The following DCC variants were observed in gnomAD, a reference collection of about 807,000 sequenced individuals.
DCC encodes netrin receptor DCC.
DCC carries 58 observed loss-of-function variants against 172.5 expected under a neutral mutation model. The observed-to-expected ratio is 0.34, with a 90% CI of 0.27 to 0.42. The LOEUF (loss-of-function observed/expected upper bound fraction) is 0.42, where lower values mean the gene tolerates loss of function less well. Ranked by LOEUF, DCC falls within the 10% of genes least tolerant of loss-of-function variation. DCC has a pLI of 1.00. For synonymous variants in DCC, 709 were observed against 644.5 expected, an observed-to-expected ratio of 1.10 and a Z score of -1.52; for missense variants, 1,740 against 1,791.0, an observed-to-expected ratio of 0.97 and a Z score of 0.51.
At chr18:53,064,307 A>T (rs1159988642) in intron 6 of DCC, among the ~76,000 whole-genome samples, 1 of 152,110 alleles carries the variant, frequency 6.6e-6, no homozygotes, top group South Asian at 2.1e-4. Context: ...TTAGCATTGG[A>T]GGTTCTGATT....
At chr18:52,811,147 C>A (rs1048540007) in intron 2 of DCC, among the ~76,000 whole-genome samples, 1 of 152,170 alleles carries the variant, frequency 6.6e-6, no homozygotes, top group Non-Finnish European at 1.5e-5. Context: ...AACAAAATGA[C>A]CCCTTCACCA....
At chr18:52,651,759 A>G (rs1265047932) in intron 1 of DCC, among the ~76,000 whole-genome samples, 1 of 152,174 alleles carries the variant, frequency 6.6e-6, no homozygotes, top group Non-Finnish European at 1.5e-5. Flanking sequence ...CCCAGCCCTT[A>G]GGTGGCATGA....
chr18:52,767,217 T>G (rs1422547844), intron 2 of DCC, among the ~76,000 whole-genome samples: 4 of 151,664 alleles, frequency 2.6e-5, no homozygotes, highest in Non-Finnish European at 5.9e-5. Context: ...ATAATGACTG[T>G]GCTAGAAAGT....
At chr18:52,392,620 G>A (rs990956421) in intron 1 of DCC, among the ~76,000 whole-genome samples, 1 of 151,768 alleles carries the variant, frequency 6.6e-6, no homozygotes, top group Non-Finnish European at 1.5e-5. Context: ...GCTTAAGAAT[G>A]TGTGTGTGTG....
chr18:52,909,642 G>C (rs1331886398), intron 3 of DCC, among the ~76,000 whole-genome samples: 2 of 152,092 alleles, frequency 1.3e-5, no homozygotes, highest in East Asian at 1.9e-4. Context: ...ATTAAATTCA[G>C]AGTTTAACAA....
intron 2 of DCC, among the ~76,000 whole-genome samples, chr18:52,829,014 A>G (rs2038564295): frequency 1.3e-5 from 2 of 152,242 alleles, no homozygotes; most frequent in Non-Finnish European, 1.5e-5. Context: ...GTTTGCTTAT[A>G]TAATTAAAAT....
intron 1 of DCC, among the ~76,000 whole-genome samples, chr18:52,350,026 G>T (rs184688306): frequency 4.1e-4 from 62 of 152,274 alleles, no homozygotes; most frequent in African/African-American, 1.4e-3. Flanking sequence ...CAAAACTTGT[G>T]TTATCAGTTT....
At chr18:53,527,265 T>C (rs2046469301) in intron 28 of DCC, among the ~76,000 whole-genome samples, 1 of 151,780 alleles carries the variant, frequency 6.6e-6, no homozygotes, top group Non-Finnish European at 1.5e-5. Flanking sequence ...TAGAGGGTAG[T>C]GGCTATTCAC....
intron 5 of DCC, among the ~76,000 whole-genome samples, chr18:53,029,277 T>G (rs2041996753): frequency 1.3e-5 from 2 of 152,180 alleles, no homozygotes; most frequent in Admixed American, 6.5e-5. Flanking sequence ...AATTTTGCTA[T>G]GTGGGTTAAG....
chr18:52,719,437 G>C (rs2036439196), intron 1 of DCC, among the ~76,000 whole-genome samples: 1 of 152,100 alleles, frequency 6.6e-6, no homozygotes. Flanking sequence ...AAGGGTGAGG[G>C]CTCCGACGGG....
intron 2 of DCC, among the ~76,000 whole-genome samples, chr18:52,798,974 C>G (rs1407072452): frequency 6.6e-6 from 1 of 152,096 alleles, no homozygotes; most frequent in Non-Finnish European, 1.5e-5. Flanking sequence ...GTCTCGAACT[C>G]CTGACCTTAG....
intron 12 of DCC, among the ~76,000 whole-genome samples, chr18:53,275,443 G>A (rs941434669): frequency 2.0e-5 from 3 of 152,104 alleles, no homozygotes; most frequent in Admixed American, 6.5e-5. Context: ...CTAACTAAAC[G>A]TGTCACAGAG....
intron 7 of DCC, among the ~76,000 whole-genome samples, chr18:53,108,076 C>A (rs548440463): frequency 1.5e-4 from 22 of 151,574 alleles, no homozygotes; most frequent in Non-Finnish European, 2.9e-4. Context: ...TTAGAAACTG[C>A]CAGTTTATAT....
intron 27 of DCC, among the ~76,000 whole-genome samples, chr18:53,507,892 CTTTTTTTTT>C (rs780896758): frequency 1.5e-4 from 20 of 130,972 alleles, no homozygotes; most frequent in African/African-American, 5.8e-4. Flanking sequence ...ACAGATACCA[CTTTTTTTTT>C]TTTTTTTTTT....
chr18:53,076,712 T>C (rs868534863), intron 7 of DCC, among the ~76,000 whole-genome samples: 5 of 152,340 alleles, frequency 3.3e-5, no homozygotes, highest in Middle Eastern at 3.4e-3. Context: ...TATGTGTTTA[T>C]TTCAGTCAAG....
chr18:52,525,496 T>C (rs187980545), intron 1 of DCC, among the ~76,000 whole-genome samples: 6 of 152,216 alleles, frequency 3.9e-5, no homozygotes, highest in Non-Finnish European at 5.9e-5. Flanking sequence ...TCCCCATTCA[T>C]TTACACAAAG....
chr18:52,514,672 T>C (rs1477557205), intron 1 of DCC, among the ~76,000 whole-genome samples: 1 of 152,228 alleles, frequency 6.6e-6, no homozygotes, highest in Non-Finnish European at 1.5e-5. Context: ...ATCAACTGAG[T>C]ATAATTTTCC....
chr18:52,386,878 A>T (rs1342976243), intron 1 of DCC, among the ~76,000 whole-genome samples: 2 of 152,110 alleles, frequency 1.3e-5, no homozygotes, highest in Non-Finnish European at 2.9e-5. Context: ...CCTCATTGAA[A>T]CTAACTCTCC....
intron 2 of DCC, among the ~76,000 whole-genome samples, chr18:52,883,258 ATGAT>A (rs1453756146): frequency 6.6e-6 from 1 of 151,868 alleles, no homozygotes; most frequent in Non-Finnish European, 1.5e-5. Flanking sequence ...ATTCAATGTT[ATGAT>A]TGATAAGTAA....
Sources: allele counts gnomAD v4.1 joint callset (sites outside exome capture counted in the v4.1 genomes callset), GRCh38; gene constraint gnomAD v4.1.1; transcripts MANE v1.5; gene names NCBI Gene and HGNC (gene_info 2026-07-23, HGNC 2026-07-21).